The following LTBP1 variants were observed in gnomAD, a reference collection of about 807,000 sequenced individuals.
The protein encoded by LTBP1 is latent transforming growth factor beta binding protein 1, also known as latent-transforming growth factor beta-binding protein 1.
A neutral mutation model predicts 207.6 loss-of-function variants in LTBP1; 129 were observed. The ratio of observed to expected loss-of-function variants is 0.62; its 90% CI spans 0.54 to 0.72. The LOEUF (loss-of-function observed/expected upper bound fraction) is 0.72, where lower values mean the gene tolerates loss of function less well. LTBP1 is among the 30% of genes least tolerant of loss of function. The pLI is 0.00. For missense variants in LTBP1, 2,281 were observed against 2,217.2 expected (o/e 1.03, Z -0.58); for synonymous variants, 963 against 833.7 (o/e 1.16, Z -2.67).
rs777108878 is a variant in LTBP1, at chr2:33,353,859, C to CATTTTTTTTTTTTTTTTTTTTT, written c.4000+6349_4000+6350insATTTTTTTTTTTTTTTTTTTTT. Among the ~76,000 whole-genome samples the CATTTTTTTTTTTTTTTTTTTTT allele has an allele frequency of 1.8e-5, 2 of 113,114 alleles. 1 individual carries two copies. 74.2% of individuals were successfully genotyped at this position (113,114 alleles called of 152,430 possible). On this transcript the variant is annotated intron_variant, in intron 26 of 33. Transcript: ENST00000404816. ...ACACTACAGGTTTTGTGCATGTACG[C>CATTTTTTTTTTTTTTTTTTTTT]CTTTTTTTTTTTTTTTTTGAGACTG...
chr2:33,397,951 C>T (rs2095374710), intron 33 of LTBP1, among the ~76,000 whole-genome samples: 2 of 152,036 alleles, frequency 1.3e-5, no homozygotes, highest in South Asian at 4.1e-4. Flanking sequence ...AAATGGGTCT[C>T]ATGTAGAAGG....
chr2:33,053,846 C>T (rs909021924), intron 3 of LTBP1, among the ~76,000 whole-genome samples: 6 of 152,174 alleles, frequency 3.9e-5, no homozygotes, highest in Admixed American at 2.0e-4. Flanking sequence ...CCTGCTGGCA[C>T]GAGGCTTCCA....
chr2:33,006,009 A>C (rs1050413635), intron 2 of LTBP1, among the ~76,000 whole-genome samples: 6 of 152,118 alleles, frequency 3.9e-5, no homozygotes, highest in African/African-American at 1.4e-4. Context: ...TTTCTTCCTC[A>C]TTCTCACTCC....
chr2:33,375,084 T>G (rs1426709259), intron 31 of LTBP1, among the ~76,000 whole-genome samples: 1 of 152,226 alleles, frequency 6.6e-6, no homozygotes, highest in Non-Finnish European at 1.5e-5. Context: ...GAATTCAAAC[T>G]GAAAGTAGCT....
intron 31 of LTBP1, among the ~76,000 whole-genome samples, chr2:33,387,672 C>A (rs2095278509): frequency 6.6e-6 from 1 of 151,996 alleles, no homozygotes; most frequent in Non-Finnish European, 1.5e-5. Context: ...CCTCATTCCT[C>A]CAGTCATTTA....
chr2:32,975,605 T>G lies in LTBP1; in HGVS notation c.565+26660T>G, dbSNP rs984089610. ...TTTGTTTTTTTTTTTTTTTTTTTTT[T>G]TTTTTTTTTTTTTTTTGTCTGACTG... On this transcript the variant is annotated intron_variant, in intron 2 of 33. Coordinates refer to ENST00000404816, the MANE Select transcript of LTBP1 (RefSeq NM_206943.4). Among the ~76,000 whole-genome samples, 1,273 of 130,624 alleles carry G rather than the reference T, an allele frequency of 9.7e-3. 31 individuals carry two copies. The highest frequency in any genetic ancestry group is 0.015 in the African/African-American group (511 of 33,520). The allele number at this position is 130,624 out of a possible 152,430, so 85.7% of individuals were successfully genotyped here. A position where few individuals can be genotyped will look rare whatever the true frequency, so the allele number is the denominator to read the frequency against.
At chr2:33,174,143 A>C (rs929519290) in intron 5 of LTBP1, among the ~76,000 whole-genome samples, 15 of 147,852 alleles carry the variant, frequency 1.0e-4, no homozygotes, top group Middle Eastern at 3.4e-3. Context: ...ATAGTGTTGG[A>C]AGTTCTAGCC....
intron 3 of LTBP1, among the ~76,000 whole-genome samples, chr2:33,065,935 A>G (rs1008373389): frequency 5.9e-5 from 9 of 152,206 alleles, no homozygotes; most frequent in African/African-American, 1.9e-4. Context: ...GGTCTGACAG[A>G]TGAAAATAAC....
intron 9 of LTBP1, among the ~76,000 whole-genome samples, chr2:33,237,441 C>G (rs896535723): frequency 6.6e-6 from 1 of 152,024 alleles, no homozygotes; most frequent in African/African-American, 2.4e-5. Flanking sequence ...TCTTAATCTC[C>G]TAGAATAATT....
chr2:32,967,794 C>A (rs143228893), intron 2 of LTBP1, among the ~76,000 whole-genome samples: 7 of 152,044 alleles, frequency 4.6e-5, no homozygotes, highest in Non-Finnish European at 7.4e-5. Context: ...ATTCTGCTGT[C>A]GTTGGATGAA....
At chr2:33,394,737 A>G (rs1039330821) in intron 32 of LTBP1, among the ~76,000 whole-genome samples, 1 of 152,170 alleles carries the variant, frequency 6.6e-6, no homozygotes. Flanking sequence ...GTCAGGTAGC[A>G]TGATGCCTCC....
At chr2:33,278,811 A>C (rs2093499058) in intron 18 of LTBP1, among the ~76,000 whole-genome samples, 1 of 152,208 alleles carries the variant, frequency 6.6e-6, no homozygotes, top group Admixed American at 6.5e-5. Context: ...AAGTCCCAGA[A>C]CATCTGACCT....
At chr2:33,287,307 A>T (rs186459227) in intron 19 of LTBP1, among the ~76,000 whole-genome samples, 67 of 152,372 alleles carry the variant, frequency 4.4e-4, no homozygotes, top group Non-Finnish European at 7.8e-4. Context: ...GGTTATAGGT[A>T]ATAAATGTCA....
chr2:33,210,721 C>T (rs1444085057), intron 7 of LTBP1, among the ~76,000 whole-genome samples: 1 of 152,176 alleles, frequency 6.6e-6, no homozygotes, highest in East Asian at 1.9e-4. Context: ...TCGTATTGAC[C>T]TGCCTTCCCC....
chr2:33,114,471 A>G (rs1186638172), intron 4 of LTBP1, among the ~76,000 whole-genome samples: 1 of 152,160 alleles, frequency 6.6e-6, no homozygotes, highest in South Asian at 2.1e-4. Flanking sequence ...ACATCTAGAT[A>G]TCGGACCTGA....
At chr2:33,323,119 C>T (rs1452072651) in intron 24 of LTBP1, among the ~76,000 whole-genome samples, 2 of 152,136 alleles carry the variant, frequency 1.3e-5, no homozygotes, top group African/African-American at 4.8e-5. Flanking sequence ...ACCTACCGAA[C>T]ATTATAGCTT....
chr2:33,183,407 G>C (rs148447461), intron 5 of LTBP1, among the ~76,000 whole-genome samples: 6 of 152,270 alleles, frequency 3.9e-5, no homozygotes, highest in African/African-American at 1.4e-4. Context: ...ACCAATCACC[G>C]ACAGGCTTTC....
At position 33,262,740 on chromosome 2, in the gene LTBP1, C is replaced by G. The variant is rs968540766; in HGVS notation, c.2437C>G (p.Gln813Glu). 4 of 1,598,734 alleles carry G rather than the reference C, an allele frequency of 2.5e-6. No homozygotes were observed. The African/African-American group carries it at 4.0e-5, about 16-fold the overall frequency. ...PPEKEIPSLD[Q>E]EKTKLEPGQP... is the part of the protein sequence containing the mutation. ...CATCCAGGAAATACCTTCATTGGAT[C>G]AAGAGAAAACCAAACTTGAGCCTGG... is the stretch of plus-strand genomic sequence containing the variant. The change falls in exon 14 of 34, where the codon CAA becomes GAA. Residue 813 changes from glutamine (Q) to glutamate (E), a missense_variant. Gln to Glu is a conservative substitution (Grantham distance 29). This residue lies in a region of LTBP1 where 1,671 missense variants were observed against 1,634.8 expected (regional missense o/e 1.02). Transcript: ENST00000404816.
At chr2:32,949,718 G>A (rs1244818011) in intron 2 of LTBP1, among the ~76,000 whole-genome samples, 2 of 152,138 alleles carry the variant, frequency 1.3e-5, no homozygotes, top group Non-Finnish European at 2.9e-5. Context: ...ATTCTTAGTT[G>A]TTCTTTGCAT....
Sources: allele counts gnomAD v4.1 joint callset (sites outside exome capture counted in the v4.1 genomes callset), GRCh38; gene constraint gnomAD v4.1.1; regional missense constraint gnomAD v4.1.1; transcripts MANE v1.5; gene names NCBI Gene and HGNC (gene_info 2026-07-23, HGNC 2026-07-21).